Variants in HMGXB3 observed in about 807,000 individuals in gnomAD.
HMGXB3 encodes the protein HMG-box containing 3, also known as HMG domain-containing protein 3.
HMGXB3 carries 45 observed loss-of-function variants against 121.5 expected under a neutral mutation model. The ratio of observed to expected loss-of-function variants is 0.37; its 90% CI spans 0.29 to 0.47. The LOEUF (loss-of-function observed/expected upper bound fraction) is 0.47. Ranked by LOEUF, HMGXB3 falls within the 20% of genes least tolerant of loss-of-function variation. HMGXB3 has a pLI of 0.99. For missense variants in HMGXB3, 1,376 were observed against 1,602.2 expected (o/e 0.86, Z 2.41); for synonymous variants, 590 against 624.1 (o/e 0.95, Z 0.81).
chr5:150,001,461 G>A (rs996031426), intron 1 of HMGXB3, among the ~76,000 whole-genome samples: 1 of 152,230 alleles, frequency 6.6e-6, no homozygotes, highest in Non-Finnish European at 1.5e-5. Flanking sequence ...GCAATCTCGT[G>A]AGATTCCAAG....
intron 13 of HMGXB3, among the ~76,000 whole-genome samples, chr5:150,039,828 C>T (rs1409694045): frequency 6.6e-6 from 1 of 152,248 alleles, no homozygotes; most frequent in Non-Finnish European, 1.5e-5. Context: ...AGCCTTTGCA[C>T]TTCTCCTTAC....
intron 5 of HMGXB3, among the ~76,000 whole-genome samples, chr5:150,016,359 AAAGG>A (rs1459194038): frequency 0.058 from 8,556 of 147,224 alleles, 303 homozygotes; most frequent in African/African-American, 0.09. Flanking sequence ...AAAAAAAAAA[AAAGG>A]AGGTGACATT....
chr5:150,035,405 C>T (rs1269568621), intron 11 of HMGXB3, among the ~76,000 whole-genome samples: 3 of 152,154 alleles, frequency 2.0e-5, no homozygotes, highest in African/African-American at 7.2e-5. Flanking sequence ...AGGGATCTGC[C>T]CCCCTGACCC....
intron 8 of HMGXB3, 51 bp downstream of exon 8, chr5:150,026,932 A>G: frequency 6.6e-7 from 1 of 1,520,552 alleles, no homozygotes; most frequent in Non-Finnish European, 8.9e-7. Flanking sequence ...CAGGAAAGGG[A>G]CAGGAGTGGG....
intron 9 of HMGXB3, 93 bp from the exon 10 acceptor site, chr5:150,030,648 C>T (rs923407571): frequency 3.0e-5 from 28 of 938,766 alleles, no homozygotes; most frequent in Middle Eastern, 4.3e-4. Context: ...ACAAATTCCC[C>T]GGGAAAGCAT....
intron 15 of HMGXB3, among the ~76,000 whole-genome samples, chr5:150,043,910 ACT>A (rs1288632017): frequency 6.6e-6 from 1 of 151,886 alleles, no homozygotes; most frequent in Non-Finnish European, 1.5e-5. Context: ...ACCTCCTACG[ACT>A]CTGAGTTCTG....
At chr5:150,040,961 T>A in intron 14 of HMGXB3, 82 bp downstream of exon 14, 1 of 1,289,572 alleles carries the variant, frequency 7.8e-7, no homozygotes, top group South Asian at 1.6e-5. Flanking sequence ...GTTAAAAGAC[T>A]CATTTTGAAG....
At chr5:150,021,943 C>G (rs537053359) in intron 6 of HMGXB3, 1 of 467,896 alleles carries the variant, frequency 2.1e-6, no homozygotes, top group Non-Finnish European at 4.3e-6. Flanking sequence ...GCTTCCTGAC[C>G]GACTTGTTCC....
At chr5:150,040,973 A>T in intron 14 of HMGXB3, 94 bp downstream of exon 14, 1 of 1,187,794 alleles carries the variant, frequency 8.4e-7, no homozygotes, top group Non-Finnish European at 1.1e-6. Context: ...ATTTTGAAGA[A>T]GAGTCTGATT....
chr5:150,047,846 T>C (rs1756795681), intron 17 of HMGXB3, 89 bp downstream of exon 17: 1 of 1,422,064 alleles, frequency 7.0e-7, no homozygotes, highest in Non-Finnish European at 9.6e-7. Flanking sequence ...ATATCTGTGA[T>C]GGCATCTGCC....
At chr5:150,029,839 A>G (rs1581258076) in intron 9 of HMGXB3, among the ~76,000 whole-genome samples, 1 of 152,236 alleles carries the variant, frequency 6.6e-6, no homozygotes, top group South Asian at 2.1e-4. Context: ...TTTTCCACAC[A>G]GATGTGGCAG....
chr5:150,048,469 T>C (rs1044795322), intron 17 of HMGXB3, 100 bp from the exon 18 acceptor site: 16 of 827,574 alleles, frequency 1.9e-5, no homozygotes, highest in Non-Finnish European at 3.0e-5. Flanking sequence ...AGGCAGTTTA[T>C]TCTTTTGCTT....
At chr5:150,016,462 G>A (rs1236755424) in intron 5 of HMGXB3, among the ~76,000 whole-genome samples, 1 of 151,864 alleles carries the variant, frequency 6.6e-6, no homozygotes, top group East Asian at 1.9e-4. Flanking sequence ...ATGTAAACAT[G>A]TAGGATTGTT....
rs1380030968 is a variant in HMGXB3 at position 150,052,079 on chromosome 5, C to G, written c.3766C>G (p.Gln1256Glu). ...RQIHDIVQSC[Q>E]PGEVVIRDTL... ...GATCCATGACATTGTACAGAGCTGCCAGCCTGGTGAGGTGGTCATTCGTGA... is the reference window on the plus strand; with the variant it reads ...GATCCATGACATTGTACAGAGCTGCGAGCCTGGTGAGGTGGTCATTCGTGA... Residue 1256 changes from glutamine (Q) to glutamate (E), a missense_variant, in exon 20 of 20, where the codon CAG becomes GAG. Physicochemically the swap from Gln to Glu is conservative, Grantham distance 29. This residue lies in a region of HMGXB3 where 260 missense variants were observed against 233.2 expected (regional missense o/e 1.11). Transcript: ENST00000502717. The G allele has an allele frequency of 1.3e-6, 2 of 1,551,908 alleles. No homozygotes were observed. Among genetic ancestry groups the G allele is most frequent in the Non-Finnish European group, 8.7e-7 (1 of 1,147,046 alleles).
intron 9 of HMGXB3, among the ~76,000 whole-genome samples, chr5:150,029,296 T>A (rs534914620): frequency 1.3e-4 from 20 of 152,148 alleles, no homozygotes; most frequent in African/African-American, 4.8e-4. Context: ...GGTTGGTTGG[T>A]TTTTTGGCTA....
intron 11 of HMGXB3, among the ~76,000 whole-genome samples, chr5:150,034,570 T>C (rs1756459516): frequency 1.3e-5 from 2 of 152,198 alleles, no homozygotes; most frequent in African/African-American, 4.8e-5. Flanking sequence ...AATCCCACTC[T>C]TAAACTTATA....
rs1039159545 is a variant in HMGXB3 at position 150,047,667 on chromosome 5, C to G, written c.2994C>G (p.Cys998Trp). Reference sequence around the variant, plus strand: ...TGAGGCTGCTCCAGGAGGGCACCTGCAAGCTTGATGAGATTGGCTCCTACA... The same window carrying G: ...TGAGGCTGCTCCAGGAGGGCACCTGGAAGCTTGATGAGATTGGCTCCTACA... The part of the protein sequence containing the change: ...ALVRLLQEGT[C>W]KLDEIGSYSE... The change falls in exon 17 of 20, where the codon TGC becomes TGG. Residue 998 changes from cysteine (C) to tryptophan (W), a missense_variant. By Grantham distance (215) the Cys-to-Trp change is radical. Around this residue, in one of 2 missense-constraint regions of HMGXB3, gnomAD observed 1,116 missense variants for 1,369.0 expected, o/e 0.82. Transcript: ENST00000502717. The G allele has an allele frequency of 3.2e-6, 5 of 1,551,590 alleles. No homozygotes were observed. The Admixed American group carries it at 5.9e-5, about 18-fold the overall frequency.
intron 9 of HMGXB3, among the ~76,000 whole-genome samples, chr5:150,028,047 C>T (rs10040807): frequency 0.058 from 8,767 of 152,152 alleles, 835 homozygotes; most frequent in African/African-American, 0.2. Flanking sequence ...GACATGTGCC[C>T]AAGGTGGTCA....
intron 5 of HMGXB3, chr5:150,014,753 G>C: frequency 3.5e-6 from 1 of 282,918 alleles, no homozygotes; most frequent in Non-Finnish European, 6.6e-6. Flanking sequence ...GCAAGGTGGA[G>C]TCTGTGTATG....
Sources: gnomAD v4.1 joint callset for allele counts (sites outside exome capture counted in the v4.1 genomes callset) on GRCh38, gnomAD v4.1.1 for gene constraint, gnomAD v4.1.1 regional missense constraint, MANE v1.5 for transcripts, NCBI Gene and HGNC (gene_info 2026-07-23, HGNC 2026-07-21) for gene names.